CD302: variants seen among roughly 807,000 people sequenced by gnomAD.
CD302 encodes the protein CD302 antigen.
CD302 carries 23 observed loss-of-function variants against 26.5 expected under a neutral mutation model. That is an observed-to-expected ratio of 0.87 (90% confidence interval 0.62 to 1.23). The LOEUF is 1.23. Among genes scored for constraint, CD302 ranks in the 50% most tolerant of loss-of-function variants. The probability of loss-of-function intolerance (pLI) is 0.00; values close to 1 mark genes in which losing one functional copy is unlikely to be tolerated. For missense variants in CD302, 290 were observed against 275.5 expected, an observed-to-expected ratio of 1.05 and a Z score of -0.37; for synonymous variants, 90 against 99.4, an observed-to-expected ratio of 0.91 and a Z score of 0.56.
At chr2:159,772,763 A>G (rs1217645413) in intron 5 of CD302, among the ~76,000 whole-genome samples, 9 of 152,196 alleles carry the variant, frequency 5.9e-5, no homozygotes, top group African/African-American at 2.2e-4. Flanking sequence ...TTATTATTAA[A>G]TATATTCATA....
rs781431626 is a variant in CD302, at chr2:159,771,975, A to C, written c.575T>G (p.Leu192Arg). Reference protein sequence around the residue: ...LTVLGAIIWFLYKKHSDSRFT... With the variant: ...LTVLGAIIWFRYKKHSDSRFT... ...ACGAGAATCAGAATGTTTTTTGTAC[A>C]GGAACCAAATGATTGCTCCCAAAAC... Residue 192 changes from leucine to arginine, a missense_variant, in exon 6 of 6, where the codon CTG (leucine) becomes CGG (arginine). Physicochemically the swap from Leu to Arg is moderately radical, Grantham distance 102. Coordinates refer to ENST00000259053, the MANE Select transcript of CD302 (RefSeq NM_014880.5). 1.9e-6 allele frequency: 3 copies of C among 1,613,954 alleles called. No individual in the cohort carries two copies. The highest frequency in any genetic ancestry group is 4.5e-5 in the East Asian group (2 of 44,870).
intron 1 of CD302, among the ~76,000 whole-genome samples, chr2:159,785,387 C>T (rs140387991): frequency 1.3e-5 from 2 of 152,270 alleles, no homozygotes; most frequent in African/African-American, 4.8e-5. Flanking sequence ...AACTCTCCCA[C>T]AATGCTGGCT....
intron 1 of CD302, among the ~76,000 whole-genome samples, chr2:159,786,342 T>G (rs1708664275): frequency 6.7e-6 from 1 of 149,398 alleles, no homozygotes; most frequent in African/African-American, 2.5e-5. Flanking sequence ...CTTTTTTTTT[T>G]TTTTTTTTTG....
intron 4 of CD302, 142 bp from the exon 5 acceptor site, chr2:159,778,106 T>C (rs372362639): frequency 1.2e-5 from 4 of 327,422 alleles, no homozygotes; most frequent in East Asian, 9.8e-5. Flanking sequence ...AATCCATATT[T>C]CTTTGCCTCA....
chr2:159,782,830 T>A (rs1245426955), intron 2 of CD302, among the ~76,000 whole-genome samples: 1 of 152,216 alleles, frequency 6.6e-6, no homozygotes, highest in African/African-American at 2.4e-5. Flanking sequence ...TTTTATAATT[T>A]TTCCTTAATG....
chr2:159,777,792 C>A, intron 5 of CD302, 146 bp downstream of exon 5: 1 of 392,336 alleles, frequency 2.5e-6, no homozygotes, highest in Non-Finnish European at 4.7e-6. Flanking sequence ...AGTCTTATTA[C>A]TAAGAGACCT....
At chr2:159,797,975 G>C (rs1013240178) in intron 1 of CD302, among the ~76,000 whole-genome samples, 157 bp downstream of exon 1, 16 of 152,228 alleles carry the variant, frequency 1.1e-4, no homozygotes, top group African/African-American at 3.9e-4. Context: ...CCGGAGCCAG[G>C]ACCCACGGGG....
chr2:159,772,138 G>T (rs1708168779), intron 5 of CD302, 85 bp from the exon 6 acceptor site: 1 of 1,432,006 alleles, frequency 7.0e-7, no homozygotes, highest in Non-Finnish European at 9.5e-7. Context: ...CTGTAGTTTT[G>T]TGTAAACATT....
At chr2:159,773,858 T>TC (rs34583299) in intron 5 of CD302, among the ~76,000 whole-genome samples, 52,246 of 151,676 alleles carry the variant, frequency 0.34, 9,179 homozygotes, top group South Asian at 0.44. Flanking sequence ...TGAAATCCTG[T>TC]TTTTTTTAAA....
intron 5 of CD302, among the ~76,000 whole-genome samples, chr2:159,777,343 G>A (rs1231097780): frequency 6.6e-6 from 1 of 152,210 alleles, no homozygotes; most frequent in Non-Finnish European, 1.5e-5. Flanking sequence ...CACCTGATCT[G>A]AATGGCTAAA....
intron 1 of CD302, among the ~76,000 whole-genome samples, chr2:159,792,011 T>C (rs1708819932): frequency 6.6e-6 from 1 of 152,242 alleles, no homozygotes; most frequent in Admixed American, 6.5e-5. Flanking sequence ...ACTTATTATA[T>C]ACAGTTTCTC....
At chr2:159,786,130 T>C (rs964197415) in intron 1 of CD302, among the ~76,000 whole-genome samples, 101 of 152,056 alleles carry the variant, frequency 6.6e-4, no homozygotes, top group African/African-American at 2.4e-3. Flanking sequence ...ACTCTAAAAA[T>C]AGGGACTAAG....
chr2:159,772,446 G>A (rs1462880179), intron 5 of CD302, among the ~76,000 whole-genome samples: 1 of 151,964 alleles, frequency 6.6e-6, no homozygotes, highest in Non-Finnish European at 1.5e-5. Context: ...GGTTCACCTG[G>A]CTTTGGGGAT....
At chr2:159,783,906 AAAAC>A (rs1317003126) in intron 1 of CD302, among the ~76,000 whole-genome samples, 4 of 152,252 alleles carry the variant, frequency 2.6e-5, no homozygotes, top group Admixed American at 6.5e-5. Flanking sequence ...AGAGAAAAGA[AAAAC>A]AAGTTGCTAG....
Position 159,769,304 on chromosome 2 carries a change from C to G in CD302, c.*2547G>C, listed in dbSNP as rs1229093377. 1 of 152,132 alleles carries G rather than the reference C, an allele frequency of 6.6e-6. No individual in the cohort carries two copies. Among genetic ancestry groups the G allele is most frequent in the African/African-American group, 2.4e-5 (1 of 41,428 alleles). 9.4% of individuals were successfully genotyped at this position (152,132 alleles called of 1,614,324 possible). ...CCTGTGTAATCCAATTATCTCTTCA[C>G]TAATGAGTAGATAAGGTGCCTGTTA... On this transcript the variant is annotated 3_prime_UTR_variant, in exon 6 of 6. Transcript: ENST00000259053.
chr2:159,780,822 G>T (rs2125801418), intron 3 of CD302, 60 bp downstream of exon 3: 1 of 1,480,622 alleles, frequency 6.8e-7, no homozygotes, highest in East Asian at 2.3e-5. Flanking sequence ...AAAGCCATCA[G>T]TTTTGCTACA....
chr2:159,796,162 T>C (rs1485801992), intron 1 of CD302, among the ~76,000 whole-genome samples: 2 of 152,266 alleles, frequency 1.3e-5, no homozygotes, highest in Non-Finnish European at 2.9e-5. Context: ...ATATTTATTA[T>C]GCAACATCAT....
chr2:159,778,549 A>G (rs1708408497), intron 4 of CD302, among the ~76,000 whole-genome samples: 1 of 152,246 alleles, frequency 6.6e-6, no homozygotes, highest in Non-Finnish European at 1.5e-5. Context: ...AAATGTACAT[A>G]CTTCCATATG....
chr2:159,778,026 A>G (rs989405106), intron 4 of CD302, 62 bp from the exon 5 acceptor site: 6 of 658,800 alleles, frequency 9.1e-6, no homozygotes, highest in Admixed American at 3.8e-5. Flanking sequence ...GATTGACTTT[A>G]AACATGTTCA....
Sources: allele counts gnomAD v4.1 joint callset (sites outside exome capture counted in the v4.1 genomes callset), GRCh38; gene constraint gnomAD v4.1.1; transcripts MANE v1.5; gene names NCBI Gene and HGNC (gene_info 2026-07-23, HGNC 2026-07-21).